ITCH: variants seen among roughly 807,000 people sequenced by gnomAD.
ITCH encodes E3 ubiquitin-protein ligase Itchy homolog.
Under a neutral mutation model 126.8 loss-of-function variants are expected in ITCH, and 28 were observed. The observed-to-expected ratio is 0.22, with a 90% confidence interval of 0.16 to 0.30. The LOEUF (loss-of-function observed/expected upper bound fraction) is 0.30, where lower values mean the gene tolerates loss of function less well. ITCH is among the 10% of genes least tolerant of loss of function. ITCH has a pLI of 1.00. For missense variants in ITCH, 631 were observed against 1,032.4 expected (o/e 0.61, Z 5.33); for synonymous variants, 342 against 340.0 (o/e 1.01, Z -0.06).
rs188769849 is a variant in ITCH, at chr20:34,454,724, C to T, written c.1211-2666C>T. Among the ~76,000 whole-genome samples, 8 of 150,946 alleles carry T rather than the reference C, an allele frequency of 5.3e-5. No individual in the cohort carries two copies. The East Asian group carries it at 1.4e-3, about 26-fold the overall frequency. The stretch of plus-strand genomic sequence containing the variant: ...AAAATTAAATATTACCAAATACGAA[C>T]TTGACAAGACTATAATTTGGCCTAA... On this transcript the variant is annotated intron_variant, in intron 12 of 24. Transcript: ENST00000374864.
intron 5 of ITCH, 94 bp from the exon 6 acceptor site, chr20:34,413,648 G>C (rs568867785): frequency 1.6e-5 from 18 of 1,147,030 alleles, no homozygotes; most frequent in Middle Eastern, 2.1e-4. Flanking sequence ...ATATTTTCTC[G>C]GACATCACAT....
intron 16 of ITCH, among the ~76,000 whole-genome samples, chr20:34,475,057 G>A (rs1370690949): frequency 6.6e-6 from 1 of 151,546 alleles, no homozygotes; most frequent in Non-Finnish European, 1.5e-5. Context: ...CCCAGACCAT[G>A]GGCGGCCGGG....
chr20:34,495,662 A>G (rs2146531961), intron 23 of ITCH, among the ~76,000 whole-genome samples: 1 of 152,242 alleles, frequency 6.6e-6, no homozygotes, highest in South Asian at 2.1e-4. Context: ...TTTATACACC[A>G]CATTTTCTTT....
At chr20:34,410,333 C>T (rs142471988) in intron 4 of ITCH, among the ~76,000 whole-genome samples, 170 of 151,374 alleles carry the variant, frequency 1.1e-3, no homozygotes, top group African/African-American at 4.0e-3. Context: ...TGAGATCGTG[C>T]CATTGCGTTC....
chr20:34,473,072 A>T (rs997075077), intron 16 of ITCH, among the ~76,000 whole-genome samples: 1 of 152,246 alleles, frequency 6.6e-6, no homozygotes, highest in African/African-American at 2.4e-5. Context: ...TAAAGCTGTC[A>T]CCCTAGATTT....
In ITCH at chr20:34,363,341, C is replaced by G. The variant is rs563046157; in HGVS notation, c.-107C>G. ...AGGGACTGAGGAGTCGCCGCCGCCC[C>G]GAGTCCCGGTAAACCCCCGTGGGCG... On this transcript the variant is annotated 5_prime_UTR_variant, in exon 1 of 25. Transcript: ENST00000374864. 1.3e-5 allele frequency: 2 copies of G among 152,608 alleles called. No individual in the cohort carries two copies. Among genetic ancestry groups the G allele is most frequent in the African/African-American group, 4.8e-5 (2 of 41,586 alleles). The allele number at this position is 152,608 out of a possible 1,614,324, so 9.5% of individuals were successfully genotyped here.
At chr20:34,366,941 A>T (rs2037442782) in intron 1 of ITCH, among the ~76,000 whole-genome samples, 1 of 152,100 alleles carries the variant, frequency 6.6e-6, no homozygotes, top group South Asian at 2.1e-4. Context: ...TGATCAAAGG[A>T]TTGGATTTAG....
At chr20:34,504,240 T>G in intron 23 of ITCH, 91 bp from the exon 24 acceptor site, 1 of 941,574 alleles carries the variant, frequency 1.1e-6, no homozygotes, top group East Asian at 2.4e-5. Flanking sequence ...TTCTAACAAG[T>G]TCCCTCATGA....
intron 2 of ITCH, 134 bp downstream of exon 2, chr20:34,369,604 A>C (rs977903184): frequency 3.3e-5 from 13 of 392,466 alleles, no homozygotes; most frequent in Middle Eastern, 6.3e-4. Flanking sequence ...AGGCAGCTTC[A>C]CTTGGTTCTG....
rs1475226980 is a variant in ITCH at position 34,404,918 on chromosome 20, G to A, written c.71-3733G>A. Among the ~76,000 whole-genome samples the A allele has an allele frequency of 6.4e-4, 97 of 151,834 alleles. 1 individual carries two copies. The highest frequency in any genetic ancestry group is 6.4e-3 in the Admixed American group (97 of 15,230). On this transcript the variant is annotated intron_variant, in intron 3 of 24. Transcript: ENST00000374864. ...GTAGGCCTAGGTAAGTGGATCTCTT[G>A]AGCCCAGGAGTACAAGACCAACTTG...
chr20:34,506,321 C>T (rs1403828059), intron 24 of ITCH, among the ~76,000 whole-genome samples: 2 of 152,176 alleles, frequency 1.3e-5, no homozygotes, highest in African/African-American at 4.8e-5. Context: ...GCTTTGACCT[C>T]CCAAAGTGCT....
intron 11 of ITCH, among the ~76,000 whole-genome samples, chr20:34,449,159 T>G (rs1984850605): frequency 6.6e-6 from 1 of 152,196 alleles, no homozygotes; most frequent in African/African-American, 2.4e-5. Flanking sequence ...ATGGTCATTT[T>G]GGGGATGAGG....
At chr20:34,429,854 G>T (rs1405838365) in intron 7 of ITCH, among the ~76,000 whole-genome samples, 1 of 151,986 alleles carries the variant, frequency 6.6e-6, no homozygotes, top group Non-Finnish European at 1.5e-5. Context: ...CTTAATAGAA[G>T]AAATAATATT....
chr20:34,451,654 A>G (rs1002347970), intron 12 of ITCH, among the ~76,000 whole-genome samples: 5 of 152,160 alleles, frequency 3.3e-5, no homozygotes, highest in East Asian at 1.9e-4. Context: ...CCAGACATGG[A>G]TGGTTTTATT....
intron 9 of ITCH, chr20:34,441,930 C>G: frequency 2.4e-6 from 1 of 412,310 alleles, no homozygotes; most frequent in Non-Finnish European, 4.6e-6. Flanking sequence ...TTGAGAGTGA[C>G]TTCGGTATCC....
chr20:34,465,272 C>T (rs777474827), intron 14 of ITCH, among the ~76,000 whole-genome samples: 16 of 151,878 alleles, frequency 1.1e-4, no homozygotes, highest in Admixed American at 5.9e-4. Flanking sequence ...GCCAATACCA[C>T]GCTATAGCTT....
chr20:34,493,013 T>G (rs2146521836), intron 23 of ITCH, among the ~76,000 whole-genome samples: 1 of 152,368 alleles, frequency 6.6e-6, no homozygotes, highest in Admixed American at 6.5e-5. Context: ...AGAAATGGAT[T>G]CATATCTTCA....
In ITCH at chr20:34,460,233, G is replaced by A. The variant is rs1004032630; in HGVS notation, c.1296-1860G>A. Among the ~76,000 whole-genome samples the A allele has an allele frequency of 2.0e-5, 3 of 151,970 alleles. No individual in the cohort carries two copies. The East Asian group carries it at 5.8e-4, about 29-fold the overall frequency. ...AGACAAGGTCTCAGTCTGTCACCCAGGCTGGAGTGAAGTGACATGATCATG... is the reference window on the plus strand; with the variant it reads ...AGACAAGGTCTCAGTCTGTCACCCAAGCTGGAGTGAAGTGACATGATCATG... On this transcript the variant is annotated intron_variant, in intron 13 of 24. Coordinates refer to ENST00000374864, the MANE Select transcript of ITCH (RefSeq NM_031483.7).
At chr20:34,376,730 A>G (rs2037861063) in intron 2 of ITCH, among the ~76,000 whole-genome samples, 1 of 152,120 alleles carries the variant, frequency 6.6e-6, no homozygotes, top group South Asian at 2.1e-4. Flanking sequence ...CTATTGGCTG[A>G]TAGGATTAAA....
Sources: allele counts gnomAD v4.1 joint callset (sites outside exome capture counted in the v4.1 genomes callset), GRCh38; gene constraint gnomAD v4.1.1; transcripts MANE v1.5; gene names NCBI Gene and HGNC (gene_info 2026-07-23, HGNC 2026-07-21).